Variants in OPCML observed in about 807,000 individuals in gnomAD.
The protein encoded by OPCML is opioid binding protein/cell adhesion molecule like.
A neutral mutation model predicts 37.8 loss-of-function variants in OPCML; 13 were observed. The observed-to-expected ratio is 0.34, with a 90% CI of 0.22 to 0.55. The LOEUF (loss-of-function observed/expected upper bound fraction) is 0.55, where lower values mean the gene tolerates loss of function less well. Ranked by LOEUF, OPCML falls within the 20% of genes least tolerant of loss-of-function variation. The pLI is 0.91. For synonymous variants in OPCML, 176 were observed against 168.8 expected (o/e 1.04, Z -0.33); for missense variants, 341 against 435.6 (o/e 0.78, Z 1.93).
intron 1 of OPCML, among the ~76,000 whole-genome samples, chr11:133,185,810 A>T (rs1460738699): frequency 6.6e-6 from 1 of 152,186 alleles, no homozygotes; most frequent in South Asian, 2.1e-4. Flanking sequence ...ACTTGAAAAG[A>T]ACATTCTTGA....
At chr11:132,469,362 G>A (rs992616719) in intron 4 of OPCML, among the ~76,000 whole-genome samples, 2 of 152,204 alleles carry the variant, frequency 1.3e-5, no homozygotes, top group Non-Finnish European at 2.9e-5. Context: ...TCACACATGT[G>A]TGGGTGTGAG....
intron 1 of OPCML, among the ~76,000 whole-genome samples, chr11:133,197,362 A>G (rs1565497855): frequency 6.6e-6 from 1 of 152,186 alleles, no homozygotes; most frequent in Non-Finnish European, 1.5e-5. Flanking sequence ...AGAGATCATT[A>G]AACCTTAATA....
intron 1 of OPCML, among the ~76,000 whole-genome samples, chr11:133,379,209 C>A (rs1161223951): frequency 6.6e-6 from 1 of 152,192 alleles, no homozygotes; most frequent in Non-Finnish European, 1.5e-5. Context: ...ATTGAAGGAA[C>A]CCATGTGCCT....
chr11:133,490,864 G>A (rs924399871), intron 1 of OPCML, among the ~76,000 whole-genome samples: 5 of 152,082 alleles, frequency 3.3e-5, no homozygotes, highest in African/African-American at 7.2e-5. Flanking sequence ...CTAGGCCCCC[G>A]TCAACGTTAT....
intron 1 of OPCML, among the ~76,000 whole-genome samples, chr11:133,220,606 G>T (rs1374158696): frequency 6.6e-6 from 1 of 152,170 alleles, no homozygotes; most frequent in Non-Finnish European, 1.5e-5. Context: ...CTTTCAGCCT[G>T]CTTGTGGTAG....
chr11:133,379,552 G>A (rs1446709544), intron 1 of OPCML, among the ~76,000 whole-genome samples: 2 of 152,180 alleles, frequency 1.3e-5, no homozygotes, highest in African/African-American at 4.8e-5. Context: ...ATGTGTCTTA[G>A]TATGTGGTAC....
chr11:132,599,326 AAGAAGG>A (rs1369814354), intron 3 of OPCML, among the ~76,000 whole-genome samples: 3 of 144,560 alleles, frequency 2.1e-5, no homozygotes, highest in South Asian at 2.3e-4. Context: ...GGAGGAGGAG[AAGAAGG>A]AGGAGGAGGA....
rs144764642 is a variant in OPCML, at chr11:132,881,684, C to G, written c.146+61242G>C. On this transcript the variant is annotated intron_variant, in intron 2 of 7. Coordinates refer to ENST00000524381, the MANE Select transcript of OPCML (RefSeq NM_001012393.5). ...AAAACAAAAAATGGCATGACTAGCT[C>G]TCTCATAAAGGATACACCAGTGATT... is the stretch of plus-strand genomic sequence containing the variant. 5.1e-3 allele frequency among the ~76,000 whole-genome samples: 773 copies of G among 152,276 alleles called. 10 individuals are homozygous for G. The highest frequency in any genetic ancestry group is 0.018 in the African/African-American group (735 of 41,560).
chr11:133,029,966 G>A (rs1331311100), intron 1 of OPCML, among the ~76,000 whole-genome samples: 1 of 152,168 alleles, frequency 6.6e-6, no homozygotes, highest in East Asian at 1.9e-4. Context: ...AACAGGTGAA[G>A]TAACTTGGTC....
intron 1 of OPCML, among the ~76,000 whole-genome samples, chr11:133,225,624 T>C (rs1193486877): frequency 6.6e-6 from 1 of 152,226 alleles, no homozygotes; most frequent in Non-Finnish European, 1.5e-5. Context: ...AGAGATCATC[T>C]AGTTCTGTGT....
intron 1 of OPCML, among the ~76,000 whole-genome samples, chr11:133,372,038 T>G (rs922567246): frequency 6.6e-6 from 1 of 151,816 alleles, no homozygotes; most frequent in Non-Finnish European, 1.5e-5. Flanking sequence ...GGGGGAGGGA[T>G]GAAGAGAGGT....
chr11:133,455,977 G>T (rs113630522), intron 1 of OPCML, among the ~76,000 whole-genome samples: 1 of 152,156 alleles, frequency 6.6e-6, no homozygotes, highest in Non-Finnish European at 1.5e-5. Context: ...CAACATACTC[G>T]CAATGTTCTA....
chr11:133,250,812 T>A (rs1365605972), intron 1 of OPCML, among the ~76,000 whole-genome samples: 1 of 152,172 alleles, frequency 6.6e-6, no homozygotes, highest in Non-Finnish European at 1.5e-5. Flanking sequence ...AGAACTGTAG[T>A]TGATGGCTCT....
At chr11:133,266,716 G>A (rs1445781185) in intron 1 of OPCML, among the ~76,000 whole-genome samples, 3 of 152,188 alleles carry the variant, frequency 2.0e-5, no homozygotes, top group Non-Finnish European at 2.9e-5. Flanking sequence ...TGAACACACA[G>A]TCCAAGGGAA....
intron 1 of OPCML, among the ~76,000 whole-genome samples, chr11:133,480,848 T>A (rs372625889): frequency 1.2e-4 from 19 of 152,236 alleles, no homozygotes; most frequent in African/African-American, 4.1e-4. Context: ...TTGCCTGTAG[T>A]TGATACAATA....
chr11:132,558,008 C>T (rs1409411648), intron 3 of OPCML, among the ~76,000 whole-genome samples: 2 of 151,958 alleles, frequency 1.3e-5, no homozygotes, highest in African/African-American at 2.4e-5. Flanking sequence ...CACATACACA[C>T]ACGGTGTTAC....
At chr11:133,138,665 G>A (rs1451705122) in intron 1 of OPCML, among the ~76,000 whole-genome samples, 1 of 152,228 alleles carries the variant, frequency 6.6e-6, no homozygotes, top group Admixed American at 6.5e-5. Flanking sequence ...TAAAAGGAAG[G>A]CCCTCCTCCC....
In OPCML at chr11:132,490,691, C is replaced by T. The variant is rs541189845; in HGVS notation, c.505+38370G>A. Among the ~76,000 whole-genome samples, 40 of 151,780 alleles carry T rather than the reference C, an allele frequency of 2.6e-4. No individual in the cohort carries two copies. In the East Asian group the frequency reaches 6.5e-3, roughly 25 times the overall value. The stretch of plus-strand genomic sequence containing the variant: ...AAAATTAGCCGGGTGTGGTGGCGGG[C>T]GCCTGTGGTCCCGGCTACTCGAGAG... On this transcript the variant is annotated intron_variant, in intron 4 of 7. Transcript: ENST00000524381.
At chr11:133,388,994 G>C (rs889943720) in intron 1 of OPCML, among the ~76,000 whole-genome samples, 1 of 152,146 alleles carries the variant, frequency 6.6e-6, no homozygotes, top group Non-Finnish European at 1.5e-5. Context: ...AGGCACACAG[G>C]TTAAAGTCAC....
Sources: allele counts gnomAD v4.1 joint callset (sites outside exome capture counted in the v4.1 genomes callset), GRCh38; gene constraint gnomAD v4.1.1; transcripts MANE v1.5; gene names NCBI Gene and HGNC (gene_info 2026-07-23, HGNC 2026-07-21).